Variants in KCNMA1 observed in about 807,000 individuals in gnomAD.
KCNMA1 encodes the protein Calcium-activated potassium channel subunit alpha-1.
Under a neutral mutation model 140.0 loss-of-function variants are expected in KCNMA1, and 29 were observed. The ratio of observed to expected loss-of-function variants is 0.21; its 90% CI spans 0.15 to 0.28. KCNMA1 has a LOEUF of 0.28. Ranked by LOEUF, KCNMA1 falls within the 10% of genes least tolerant of loss-of-function variation. The probability of loss-of-function intolerance (pLI) is 1.00; values close to 1 mark genes in which losing one functional copy is unlikely to be tolerated. For synonymous variants in KCNMA1, 612 were observed against 611.9 expected (o/e 1.00, Z 0.00); for missense variants, 880 against 1,602.2 (o/e 0.55, Z 7.70).
At chr10:77,542,497 G>A (rs1486023958) in intron 1 of KCNMA1, among the ~76,000 whole-genome samples, 2 of 152,294 alleles carry the variant, frequency 1.3e-5, no homozygotes, top group Middle Eastern at 3.4e-3. Context: ...GAACGCCTTG[G>A]AAGTTTTATA....
intron 17 of KCNMA1, among the ~76,000 whole-genome samples, chr10:77,012,835 T>C (rs1292887564): frequency 6.6e-6 from 1 of 152,192 alleles, no homozygotes; most frequent in Non-Finnish European, 1.5e-5. Context: ...GACTTGAATG[T>C]CCATAGGTGA....
chr10:77,076,165 G>C (rs990412193), intron 13 of KCNMA1, among the ~76,000 whole-genome samples: 3 of 146,544 alleles, frequency 2.0e-5, no homozygotes, highest in South Asian at 2.1e-4. Context: ...CAAGTGTCAG[G>C]GTGGACAGTG....
rs529673204 is a variant in KCNMA1, at chr10:76,967,946, A to G, written c.2360+2028T>C. Among the ~76,000 whole-genome samples, 7 of 152,276 alleles carry G rather than the reference A, an allele frequency of 4.6e-5. No homozygotes were observed. In the South Asian group the frequency reaches 1.5e-3, roughly 32 times the overall value. ...TTTGAAAATTCTCCCCCATCATGCA[A>G]ACTGACACAGGCATGCTTTTCAAAA... On this transcript the variant is annotated intron_variant, in intron 20 of 27. Transcript: ENST00000286628.
At chr10:77,152,215 T>C (rs1285985023) in intron 5 of KCNMA1, among the ~76,000 whole-genome samples, 1 of 152,096 alleles carries the variant, frequency 6.6e-6, no homozygotes, top group Non-Finnish European at 1.5e-5. Context: ...GGTTCTACCA[T>C]GCATAAGCTG....
intron 5 of KCNMA1, among the ~76,000 whole-genome samples, chr10:77,160,972 T>A (rs907099897): frequency 6.6e-6 from 1 of 152,192 alleles, no homozygotes. Context: ...GCTGACACCA[T>A]GCTCTTGACT....
intron 1 of KCNMA1, among the ~76,000 whole-genome samples, chr10:77,611,347 C>T (rs2086785455): frequency 6.6e-6 from 1 of 152,168 alleles, no homozygotes; most frequent in African/African-American, 2.4e-5. Context: ...CATGTGTGAA[C>T]CCAGAGGCAA....
At chr10:77,121,165 G>A in intron 5 of KCNMA1, 117 bp from the exon 6 acceptor site, 1 of 721,782 alleles carries the variant, frequency 1.4e-6, no homozygotes, top group Non-Finnish European at 2.5e-6. Flanking sequence ...TCTTGCAGAA[G>A]ATAAACCAGC....
chr10:77,626,648 AG>A (rs1292941081), intron 1 of KCNMA1, among the ~76,000 whole-genome samples: 1 of 152,200 alleles, frequency 6.6e-6, no homozygotes, highest in Non-Finnish European at 1.5e-5. Context: ...CTTCTCCCAA[AG>A]AGGAGCAGAA....
rs542512148 is a variant in KCNMA1 at position 77,321,627 on chromosome 10, G to A, written c.541-70371C>T. 9.2e-5 allele frequency among the ~76,000 whole-genome samples: 14 copies of A among 152,224 alleles called. No individual in the cohort carries two copies. In the East Asian group the frequency reaches 1.7e-3, roughly 19 times the overall value. ...GCATGAGTGTGCAATTAATACTTTC[G>A]AAGAACATGTCCACACCAGATCAGG... On this transcript the variant is annotated intron_variant, in intron 2 of 27. Coordinates refer to ENST00000286628, the MANE Select transcript of KCNMA1 (RefSeq NM_001161352.2).
chr10:77,107,267 A>AACAAC (rs1400206094), intron 9 of KCNMA1, among the ~76,000 whole-genome samples: 1 of 152,232 alleles, frequency 6.6e-6, no homozygotes, highest in African/African-American at 2.4e-5. Flanking sequence ...AACAAAACAA[A>AACAAC]ACAGTTCCAT....
rs142199026 is a variant in KCNMA1, at chr10:77,067,115, G to A, written c.1749+5982C>T. 1.3e-3 allele frequency among the ~76,000 whole-genome samples: 194 copies of A among 152,322 alleles called. 2 individuals carry two copies. Among genetic ancestry groups the A allele is most frequent in the Admixed American group, 5.4e-3 (82 of 15,302 alleles). On this transcript the variant is annotated intron_variant, in intron 14 of 27. Transcript: ENST00000286628. Reference sequence around the variant, plus strand: ...TATTCTGGGTGTGTCTTTGAGGGTGGAGGGTGTTTCTGCATGAGATTAACA... The same window carrying A: ...TATTCTGGGTGTGTCTTTGAGGGTGAAGGGTGTTTCTGCATGAGATTAACA...
intron 2 of KCNMA1, among the ~76,000 whole-genome samples, chr10:77,255,569 C>T (rs1422352158): frequency 6.6e-6 from 1 of 151,824 alleles, no homozygotes; most frequent in Admixed American, 6.6e-5. Context: ...CACTACACTC[C>T]AGCCTGGACA....
intron 6 of KCNMA1, among the ~76,000 whole-genome samples, chr10:77,116,930 T>C (rs567602900): frequency 1.3e-5 from 2 of 152,334 alleles, no homozygotes; most frequent in South Asian, 2.1e-4. Flanking sequence ...GTAAAGTCCA[T>C]GAATCTAAGA....
intron 25 of KCNMA1, chr10:76,905,231 T>C (rs767521562): frequency 1.3e-5 from 2 of 152,218 alleles, no homozygotes; most frequent in African/African-American, 2.4e-5. Context: ...CCAAGTACTA[T>C]GCCAATATAT....
chr10:76,917,390 A>C (rs780449972), intron 23 of KCNMA1, among the ~76,000 whole-genome samples: 24 of 152,338 alleles, frequency 1.6e-4, no homozygotes, highest in Non-Finnish European at 2.5e-4. Context: ...GGAAAACTGT[A>C]TTTCATTACA....
At chr10:77,433,688 C>T (rs1309540487) in intron 1 of KCNMA1, 1 of 152,084 alleles carries the variant, frequency 6.6e-6, no homozygotes. Context: ...GGTTGCAACC[C>T]CCAGGGAAAT....
In KCNMA1 at chr10:77,108,643, T is replaced by C; in HGVS notation, c.1132-71A>G. 2.7e-6 allele frequency: 3 copies of C among 1,104,842 alleles called. No individual in the cohort carries two copies. The highest frequency in any genetic ancestry group is 4.6e-4 in the Middle Eastern group (2 of 4,336). The allele number at this position is 1,104,842 out of a possible 1,614,324, so 68.4% of individuals were successfully genotyped here. A position where few individuals can be genotyped will look rare whatever the true frequency, so the allele number is the denominator to read the frequency against. Reference sequence around the variant, plus strand: ...GAAAAGGGGGGACCTGTTCAGAGGGTGGGGGCACTAAGATCTGAAAACACA... The same window carrying C: ...GAAAAGGGGGGACCTGTTCAGAGGGCGGGGGCACTAAGATCTGAAAACACA... On this transcript the variant is annotated intron_variant, in intron 8 of 27. Coordinates refer to ENST00000286628, the MANE Select transcript of KCNMA1 (RefSeq NM_001161352.2). This position sits in a 1 kb window ranked among gnomAD's most constrained non-coding sequence, Gnocchi z 4.6.
chr10:77,043,229 G>A lies in KCNMA1; in HGVS notation c.1750-3592C>T, dbSNP rs142729506. Among the ~76,000 whole-genome samples the A allele has an allele frequency of 6.3e-3, 966 of 152,278 alleles. 11 individuals carry two copies. Among genetic ancestry groups the A allele is most frequent in the African/African-American group, 0.022 (924 of 41,530 alleles). On this transcript the variant is annotated intron_variant, in intron 14 of 27. Transcript: ENST00000286628. ...AATAAATGCTGGAGCATTTAAATCC[G>A]TTGCCATTGCCATCTGTTTAAGATT...
intron 1 of KCNMA1, among the ~76,000 whole-genome samples, chr10:77,506,592 A>T (rs376976538): frequency 0.019 from 1,540 of 83,012 alleles, 42 homozygotes; most frequent in Non-Finnish European, 0.02. Context: ...AGAGAGAGAG[A>T]GAGAGTGTGT....
Sources: gnomAD v4.1 joint callset for allele counts (sites outside exome capture counted in the v4.1 genomes callset) on GRCh38, gnomAD v4.1.1 for gene constraint, Gnocchi (gnomAD v3.1) non-coding constraint, MANE v1.5 for transcripts, NCBI Gene and HGNC (gene_info 2026-07-23, HGNC 2026-07-21) for gene names.